Variants in SERPINB6 observed in about 807,000 individuals in gnomAD.
The protein encoded by SERPINB6 is serpin family B member 6.
SERPINB6 carries 16 observed loss-of-function variants against 26.1 expected under a neutral mutation model. That is an observed-to-expected ratio of 0.61 (90% confidence interval 0.42 to 0.93). The LOEUF (loss-of-function observed/expected upper bound fraction) is 0.93, where lower values mean the gene tolerates loss of function less well. Ranked by LOEUF, SERPINB6 falls within the 40% of genes least tolerant of loss-of-function variation. The pLI is 0.00. For missense variants in SERPINB6, 420 were observed against 478.0 expected, an observed-to-expected ratio of 0.88 and a Z score of 1.13; for synonymous variants, 174 against 176.6, an observed-to-expected ratio of 0.99 and a Z score of 0.11.
chr6:2,969,900 G>T, intron 1 of SERPINB6: 1 of 798,906 alleles, frequency 1.3e-6, no homozygotes, highest in Non-Finnish European at 1.5e-6. Context: ...ACTTTGGGAG[G>T]CCAAGGCGGG....
At position 2,959,319 on chromosome 6, in the gene SERPINB6, G is replaced by T. The variant is rs1175149405; in HGVS notation, c.14C>A (p.Ala5Glu). The change falls in exon 2 of 7, where the codon GCA becomes GAA. Residue 5 changes from alanine to glutamate, a missense_variant. Physicochemically the swap from Ala to Glu is moderately radical, Grantham distance 107. Coordinates refer to ENST00000380539, the MANE Select transcript of SERPINB6 (RefSeq NM_004568.6). ...TAAGGCAAAGGTGCCATTTGCTTCT[G>T]CGAGAACATCCATGATGGCAGACCT... MDVLAEANGTFALNL... is the reference protein window; with the variant it reads MDVLEEANGTFALNL... The T allele has an allele frequency of 1.2e-6, 2 of 1,614,164 alleles. No homozygotes were observed. The highest frequency in any genetic ancestry group is 1.3e-5 in the African/African-American group (1 of 75,046).
intron 1 of SERPINB6, chr6:2,961,343 G>A (rs1324165696): frequency 6.6e-6 from 1 of 152,252 alleles, no homozygotes; most frequent in East Asian, 1.9e-4. Context: ...ACAATAGAAA[G>A]TACATATTAC....
chr6:2,951,935 G>A (rs1769858204), intron 5 of SERPINB6, among the ~76,000 whole-genome samples: 1 of 152,192 alleles, frequency 6.6e-6, no homozygotes, highest in East Asian at 1.9e-4. Context: ...GCTGAAGCCA[G>A]CTCAGCCATC....
intron 1 of SERPINB6, chr6:2,970,263 C>G: frequency 2.0e-6 from 2 of 985,432 alleles, no homozygotes; most frequent in Non-Finnish European, 2.4e-6. Flanking sequence ...TTAACTGTTT[C>G]ATGCTGAATT....
rs537758862 is a variant in SERPINB6 at position 2,955,647 on chromosome 6, G to A, written c.189C>T (p.Gly63=). The change falls in exon 3 of 7, where the codon GGC becomes GGT. Residue 63 remains glycine, a synonymous_variant. Coordinates refer to ENST00000380539, the MANE Select transcript of SERPINB6 (RefSeq NM_004568.6). ...MAQILSFNKS[G]GGGDIHQGFQ... ...AGCCCTGGTGGATGTCTCCACCACCGCCACTTTTATTGAAAGAAAGTATCT... is the reference window on the plus strand; with the variant it reads ...AGCCCTGGTGGATGTCTCCACCACCACCACTTTTATTGAAAGAAAGTATCT... The A allele has an allele frequency of 5.3e-5, 85 of 1,614,138 alleles. No individual in the cohort carries two copies. The East Asian group carries it at 5.3e-4, about 10-fold the overall frequency.
chr6:2,953,304 G>T, intron 4 of SERPINB6, 118 bp from the exon 5 acceptor site: 1 of 1,355,218 alleles, frequency 7.4e-7, no homozygotes, highest in Non-Finnish European at 1.0e-6. Context: ...GAGTTCCACT[G>T]TCCCCCAAAT....
At chr6:2,966,212 T>G (rs1771626075) in intron 1 of SERPINB6, among the ~76,000 whole-genome samples, 1 of 152,224 alleles carries the variant, frequency 6.6e-6, no homozygotes, top group South Asian at 2.1e-4. Flanking sequence ...CTAGACACAG[T>G]GCAAACATTA....
intron 2 of SERPINB6, 121 bp downstream of exon 2, chr6:2,959,047 C>G (rs1055898210): frequency 7.5e-7 from 1 of 1,330,802 alleles, no homozygotes; most frequent in Non-Finnish European, 1.1e-6. Context: ...CCTGTAAACT[C>G]GCCACCCACA....
At chr6:2,949,631 T>G (rs141112814) in intron 5 of SERPINB6, among the ~76,000 whole-genome samples, 165 of 152,354 alleles carry the variant, frequency 1.1e-3, no homozygotes, top group African/African-American at 3.5e-3. Flanking sequence ...TCTGACCTGT[T>G]CCTTCTGCCT....
intron 1 of SERPINB6, chr6:2,962,023 T>G (rs1435130343): frequency 1.0e-6 from 1 of 985,096 alleles, no homozygotes; most frequent in Non-Finnish European, 1.2e-6. Flanking sequence ...ACGCCCAGCC[T>G]AAAGGACTTT....
At chr6:2,952,645 C>G (rs1277608674) in intron 5 of SERPINB6, among the ~76,000 whole-genome samples, 1 of 152,246 alleles carries the variant, frequency 6.6e-6, no homozygotes, top group African/African-American at 2.4e-5. Flanking sequence ...TGCTCAGCCT[C>G]AATTCAGCAG....
intron 1 of SERPINB6, chr6:2,963,651 C>T (rs927982008): frequency 1.3e-5 from 2 of 152,332 alleles, no homozygotes; most frequent in South Asian, 4.1e-4. Flanking sequence ...GAGCTTGGCC[C>T]GTACCCACTC....
chr6:2,962,150 C>G, intron 1 of SERPINB6: 1 of 985,480 alleles, frequency 1.0e-6, no homozygotes, highest in Non-Finnish European at 1.2e-6. Flanking sequence ...TTCAACAAAG[C>G]AAAGCCACCT....
chr6:2,957,231 C>T (rs1770605677), intron 2 of SERPINB6: 1 of 152,248 alleles, frequency 6.6e-6, no homozygotes, highest in Non-Finnish European at 1.5e-5. Flanking sequence ...TGGAGTGCCT[C>T]CCCCGGGAAC....
chr6:2,958,598 C>T (rs1282096293), intron 2 of SERPINB6, among the ~76,000 whole-genome samples: 1 of 152,092 alleles, frequency 6.6e-6, no homozygotes, highest in East Asian at 1.9e-4. Context: ...GAGAAGACGC[C>T]CAGCGCCCCG....
At chr6:2,955,193 A>AAC in intron 3 of SERPINB6, 1 of 295,962 alleles carries the variant, frequency 3.4e-6, no homozygotes, top group Non-Finnish European at 6.4e-6. Flanking sequence ...CTGTCTCAAA[A>AAC]AAAAAAAAAC....
intron 1 of SERPINB6, among the ~76,000 whole-genome samples, chr6:2,962,654 C>T (rs576829599): frequency 1.5e-4 from 23 of 152,366 alleles, no homozygotes; most frequent in African/African-American, 5.5e-4. Context: ...GTTGAAAACA[C>T]TGCTGACAGC....
rs1465598733 is a variant in SERPINB6, at chr6:2,969,748, TG to T, written c.-11+1784del. On this transcript the variant is annotated intron_variant, in intron 1 of 6. Coordinates refer to ENST00000380539, the MANE Select transcript of SERPINB6 (RefSeq NM_004568.6). Reference sequence around the variant, plus strand: ...ACTTGGACTTCCTGCTTTGTCCCTCTGTTTCCTTGTGCAGTGTGTATGTGTG... The same window carrying T: ...ACTTGGACTTCCTGCTTTGTCCCTCTTTTCCTTGTGCAGTGTGTATGTGTG... 8.2e-6 allele frequency: 8 copies of T among 973,864 alleles called. No homozygotes were observed. The African/African-American group carries it at 1.3e-4, about 16-fold the overall frequency. 60.3% of individuals were successfully genotyped at this position (973,864 alleles called of 1,614,324 possible). A position where few individuals can be genotyped will look rare whatever the true frequency, so the allele number is the denominator to read the frequency against.
chr6:2,968,645 A>G, intron 1 of SERPINB6: 25 of 1,223,834 alleles, frequency 2.0e-5, no homozygotes, highest in Non-Finnish European at 2.5e-5. Flanking sequence ...TCCTTTTGTT[A>G]TGGTGGCTGG....
Sources: gnomAD v4.1 joint callset for allele counts (sites outside exome capture counted in the v4.1 genomes callset) on GRCh38, gnomAD v4.1.1 for gene constraint, MANE v1.5 for transcripts, NCBI Gene and HGNC (gene_info 2026-07-23, HGNC 2026-07-21) for gene names.